SCN2A: variants seen among roughly 807,000 people sequenced by gnomAD.
SCN2A encodes the protein sodium voltage-gated channel alpha subunit 2, also known as sodium channel protein type 2 subunit alpha.
In SCN2A, 20 loss-of-function variants were observed where a neutral mutation model predicts 188.7. The ratio of observed to expected loss-of-function variants is 0.11; its 90% CI spans 0.07 to 0.15. The LOEUF (loss-of-function observed/expected upper bound fraction) is 0.15. SCN2A is among the 10% of genes least tolerant of loss of function. SCN2A has a pLI of 1.00. For synonymous variants in SCN2A, 804 were observed against 833.1 expected, an observed-to-expected ratio of 0.97 and a Z score of 0.60; for missense variants, 1,278 against 2,445.0, an observed-to-expected ratio of 0.52 and a Z score of 10.07.
At chr2:165,317,500 T>C (rs1697825087) in intron 11 of SCN2A, among the ~76,000 whole-genome samples, 1 of 152,134 alleles carries the variant, frequency 6.6e-6, no homozygotes, top group Non-Finnish European at 1.5e-5. Flanking sequence ...AAAATTTGCC[T>C]AAATTTTGGC....
chr2:165,362,717 G>A (rs1030457147), intron 17 of SCN2A, among the ~76,000 whole-genome samples: 1 of 151,954 alleles, frequency 6.6e-6, no homozygotes, highest in Non-Finnish European at 1.5e-5. Flanking sequence ...TAGAGTACGT[G>A]GCTTCTGCCC....
intron 11 of SCN2A, among the ~76,000 whole-genome samples, chr2:165,319,714 A>G (rs988449777): frequency 2.6e-5 from 4 of 152,314 alleles, no homozygotes; most frequent in Non-Finnish European, 5.9e-5. Flanking sequence ...TTCTCCCCAT[A>G]TAACCACCAG....
rs1019900979 is a variant in SCN2A at position 165,242,999 on chromosome 2, A to T, written c.-52+3359A>T. Reference sequence around the variant, plus strand: ...ATGGACTTTCTGGAAGAAATAATTAATCCTCAGTAGCAAAACACTTTCCTG... The same window carrying T: ...ATGGACTTTCTGGAAGAAATAATTATTCCTCAGTAGCAAAACACTTTCCTG... On this transcript the variant is annotated intron_variant, in intron 1 of 26. Coordinates refer to ENST00000375437, the MANE Select transcript of SCN2A (RefSeq NM_001040142.2). Among the ~76,000 whole-genome samples the T allele has an allele frequency of 2.6e-5, 4 of 152,228 alleles. 1 individual carries two copies. Among genetic ancestry groups the T allele is most frequent in the Admixed American group, 2.6e-4 (4 of 15,284 alleles).
rs963191265 is a variant in SCN2A, at chr2:165,239,526, C to T, written c.-166C>T. On this transcript the variant is annotated 5_prime_UTR_variant, in exon 1 of 27. Coordinates refer to ENST00000375437, the MANE Select transcript of SCN2A (RefSeq NM_001040142.2). Reference sequence around the variant, plus strand: ...TTTCTTCTTTAATGAGGATAGAGCACATGTGAGATTTTACTTTCTACTCCA... The same window carrying T: ...TTTCTTCTTTAATGAGGATAGAGCATATGTGAGATTTTACTTTCTACTCCA... The T allele has an allele frequency of 2.0e-6, 1 of 495,302 alleles. No individual in the cohort carries two copies. The highest frequency in any genetic ancestry group is 2.6e-6 in the Non-Finnish European group (1 of 382,394). The allele number at this position is 495,302 out of a possible 1,614,324, so 30.7% of individuals were successfully genotyped here. A position where few individuals can be genotyped will look rare whatever the true frequency, so the allele number is the denominator to read the frequency against.
intron 16 of SCN2A, among the ~76,000 whole-genome samples, chr2:165,351,302 A>T (rs978534420): frequency 2.0e-5 from 3 of 152,196 alleles, no homozygotes; most frequent in Non-Finnish European, 4.4e-5. Flanking sequence ...TAAAAAAAAT[A>T]AAAACTTCAA....
Position 165,388,848 on chromosome 2 carries a change from A to G in SCN2A, c.5042A>G (p.Asn1681Ser), listed in dbSNP as rs1574751977. 1 of 1,613,970 alleles carries G rather than the reference A, an allele frequency of 6.2e-7. No individual in the cohort carries two copies. The highest frequency in any genetic ancestry group is 8.5e-7 in the Non-Finnish European group (1 of 1,179,978). The change falls in exon 27 of 27, where the codon AAT (asparagine) becomes AGT (serine). Residue 1681 changes from asparagine (N) to serine (S), a missense_variant. Physicochemically the swap from Asn to Ser is conservative, Grantham distance 46. Transcript: ENST00000375437. ...ATCTACGCCATCTTTGGGATGTCCA[A>G]TTTTGCCTATGTTAAGAGGGAAGTT... Reference protein sequence around the residue: ...MFIYAIFGMSNFAYVKREVGI... With the variant: ...MFIYAIFGMSSFAYVKREVGI...
At chr2:165,350,466 T>TGTTGG (rs1699834565) in intron 16 of SCN2A, among the ~76,000 whole-genome samples, 1 of 39,954 alleles carries the variant, frequency 2.5e-5, no homozygotes. Context: ...TTTTCTTTCT[T>TGTTGG]TTTTTTTTTT....
At chr2:165,285,717 C>T (rs1439744174) in intron 1 of SCN2A, 8 of 209,056 alleles carry the variant, frequency 3.8e-5, no homozygotes, top group African/African-American at 1.9e-4. Context: ...CAATCCAGCT[C>T]CACATAGGAC....
rs1410079499 is a variant in SCN2A at position 165,365,369 on chromosome 2, A to G, written c.3520+106A>G. The stretch of plus-strand genomic sequence containing the variant: ...TTTGTCTACCATCTATTATCTATCT[A>G]TCTGTATCTATCTATCTATCTATCT... On this transcript the variant is annotated intron_variant, in intron 18 of 26. Coordinates refer to ENST00000375437, the MANE Select transcript of SCN2A (RefSeq NM_001040142.2). 6.2e-6 allele frequency: 7 copies of G among 1,131,216 alleles called. No individual in the cohort carries two copies. The South Asian group carries it at 6.5e-5, about 10-fold the overall frequency. The allele number at this position is 1,131,216 out of a possible 1,614,324, so 70.1% of individuals were successfully genotyped here.
intron 1 of SCN2A, among the ~76,000 whole-genome samples, chr2:165,261,878 C>T (rs190798496): frequency 6.6e-6 from 1 of 152,206 alleles, no homozygotes; most frequent in East Asian, 1.9e-4. Context: ...TTAATCTATA[C>T]AATGAAAATG....
In SCN2A at chr2:165,389,943, T is replaced by C; in HGVS notation, c.*119T>C. On this transcript the variant is annotated 3_prime_UTR_variant, in exon 27 of 27. Transcript: ENST00000375437. This position sits in a 1 kb window ranked among gnomAD's most constrained non-coding sequence, Gnocchi z 4.2. ...GCCAAACTGACTGTTTTTACAAATGTATACTTAAGGTCAGTGCCTATAACA... is the reference window on the plus strand; with the variant it reads ...GCCAAACTGACTGTTTTTACAAATGCATACTTAAGGTCAGTGCCTATAACA... The C allele has an allele frequency of 6.7e-7, 1 of 1,492,104 alleles. No homozygotes were observed. Among genetic ancestry groups the C allele is most frequent in the Non-Finnish European group, 8.9e-7 (1 of 1,124,244 alleles). 92.4% of individuals were successfully genotyped at this position (1,492,104 alleles called of 1,614,324 possible). A position where few individuals can be genotyped will look rare whatever the true frequency, so the allele number is the denominator to read the frequency against.
At chr2:165,360,516 G>A (rs563953036) in intron 17 of SCN2A, among the ~76,000 whole-genome samples, 1 of 151,886 alleles carries the variant, frequency 6.6e-6, no homozygotes, top group South Asian at 2.1e-4. Flanking sequence ...TTTTCAATAG[G>A]AAGAGTCCTA....
intron 1 of SCN2A, among the ~76,000 whole-genome samples, chr2:165,248,596 TTTG>T (rs1404626434): frequency 2.0e-5 from 3 of 152,290 alleles, no homozygotes; most frequent in African/African-American, 7.2e-5. Context: ...CTTTCTTTTC[TTTG>T]TTATCATTTG....
intron 1 of SCN2A, among the ~76,000 whole-genome samples, chr2:165,250,754 G>A (rs1214968214): frequency 6.6e-6 from 1 of 152,074 alleles, no homozygotes; most frequent in Admixed American, 6.6e-5. Flanking sequence ...AGGATAAAAT[G>A]TAGGTTGCAG....
intron 20 of SCN2A, chr2:165,371,968 A>C (rs1482506878): frequency 6.6e-6 from 1 of 152,220 alleles, no homozygotes; most frequent in Admixed American, 6.5e-5. Context: ...TGAATATTTT[A>C]CAACTTCTTT....
chr2:165,358,043 A>T (rs1467181922), intron 17 of SCN2A, among the ~76,000 whole-genome samples: 1 of 152,210 alleles, frequency 6.6e-6, no homozygotes, highest in Non-Finnish European at 1.5e-5. Flanking sequence ...AACTTAAAAA[A>T]AAGTGATTTA....
chr2:165,328,713 G>A (rs1029759680), intron 13 of SCN2A, among the ~76,000 whole-genome samples: 1 of 152,124 alleles, frequency 6.6e-6, no homozygotes, highest in Non-Finnish European at 1.5e-5. Context: ...TGTGACATGG[G>A]GTTGCTTAGG....
intron 5 of SCN2A, 72 bp from the exon 6 acceptor site, chr2:165,309,280 G>A: frequency 6.2e-7 from 1 of 1,613,318 alleles, no homozygotes; most frequent in Non-Finnish European, 8.5e-7. Context: ...GGTATAAGGT[G>A]GTAGGCCCCT....
At chr2:165,269,545 G>T (rs982480506) in intron 1 of SCN2A, 1 of 151,968 alleles carries the variant, frequency 6.6e-6, no homozygotes, top group African/African-American at 2.4e-5. Flanking sequence ...TTATTGTGAA[G>T]ATTGAATTAA....
Sources: gnomAD v4.1 joint callset for allele counts (sites outside exome capture counted in the v4.1 genomes callset) on GRCh38, gnomAD v4.1.1 for gene constraint, Gnocchi (gnomAD v3.1) non-coding constraint, MANE v1.5 for transcripts, NCBI Gene and HGNC (gene_info 2026-07-23, HGNC 2026-07-21) for gene names.